The following UPF2 variants were observed in gnomAD, a reference collection of about 807,000 sequenced individuals.
UPF2 encodes UPF2 regulator of nonsense mediated mRNA decay, also known as regulator of nonsense transcripts 2.
In UPF2, 17 loss-of-function variants were observed where a neutral mutation model predicts 141.4. That is an observed-to-expected ratio of 0.12 (90% CI 0.08 to 0.18). The LOEUF is 0.18. Among genes scored for constraint, UPF2 ranks in the 10% least tolerant of loss-of-function variants. UPF2 has a pLI of 1.00. For synonymous variants in UPF2, 540 were observed against 498.0 expected (o/e 1.08, Z -1.12); for missense variants, 1,152 against 1,515.9 (o/e 0.76, Z 3.99).
At chr10:12,005,392 A>G (rs1834018606) in intron 4 of UPF2, among the ~76,000 whole-genome samples, 1 of 152,166 alleles carries the variant, frequency 6.6e-6, no homozygotes, top group African/African-American at 2.4e-5. Flanking sequence ...TAGAAGTTTG[A>G]GATTGTTTAT....
chr10:11,997,324 T>C (rs1213003156), intron 8 of UPF2, among the ~76,000 whole-genome samples: 4 of 152,270 alleles, frequency 2.6e-5, no homozygotes, highest in South Asian at 4.1e-4. Flanking sequence ...ACCCTCATCT[T>C]TGCACAAAAT....
At chr10:12,038,520 T>A (rs192416616) in intron 1 of UPF2, among the ~76,000 whole-genome samples, 1 of 149,918 alleles carries the variant, frequency 6.7e-6, no homozygotes, top group Non-Finnish European at 1.5e-5. Context: ...CTTGAGGTCA[T>A]GAGTTCAAGA....
At position 12,028,953 on chromosome 10, in the gene UPF2, G is replaced by A; in HGVS notation, c.937C>T (p.Arg313Ter). 6.2e-7 allele frequency: 1 copy of A among 1,614,050 alleles called. No homozygotes were observed. The highest frequency in any genetic ancestry group is 8.5e-7 in the Non-Finnish European group (1 of 1,180,004). ...CCAGCAATATCATCTCCACAATGTC[G>A]ACAGAAACTAATCACTACAGAGACA... ...THVSVVISFCRHCGDDIAGLV... is the reference protein window; with the variant it reads ...THVSVVISFC Residue 313 changes from arginine (R) to a stop codon, truncating the protein, a stop_gained, in exon 3 of 22, where the codon CGA (arginine) becomes TGA (stop). Transcript: ENST00000357604. LOFTEE classifies it high-confidence loss of function.
chr10:11,929,830 A>T (rs751260344), intron 21 of UPF2, 35 bp downstream of exon 21: 10 of 1,604,324 alleles, frequency 6.2e-6, no homozygotes, highest in Non-Finnish European at 8.5e-6. Flanking sequence ...CATCATGGAA[A>T]CAAACAGCTA....
At chr10:11,945,842 CATAAG>C (rs755720210) in intron 16 of UPF2, among the ~76,000 whole-genome samples, 2 of 152,058 alleles carry the variant, frequency 1.3e-5, no homozygotes, top group African/African-American at 2.4e-5. Flanking sequence ...CCAAGACAAC[CATAAG>C]ATTAGTCTGA....
intron 3 of UPF2, among the ~76,000 whole-genome samples, chr10:12,028,203 A>G (rs1445157883): frequency 6.6e-6 from 1 of 152,226 alleles, no homozygotes; most frequent in Non-Finnish European, 1.5e-5. Flanking sequence ...GCCCCCAGGA[A>G]GAAGACTCCT....
Position 12,042,083 on chromosome 10 carries a change from G to C in UPF2, c.-19+672C>G, listed in dbSNP as rs117917056. On this transcript the variant is annotated intron_variant, in intron 1 of 21. Transcript: ENST00000357604. This position sits in a 1 kb window ranked among gnomAD's most constrained non-coding sequence, Gnocchi z 5.5. ...ATCAACCAGCCTATGTGATTAAAAG[G>C]AAGTCAACCAAACAGCCCATGCCCA... Among the ~76,000 whole-genome samples the C allele has an allele frequency of 7.2e-3, 1,095 of 152,114 alleles. 1 individual carries two copies. Among genetic ancestry groups the C allele is most frequent in the East Asian group, 0.028 (143 of 5,172 alleles).
chr10:11,968,243 A>G (rs111592822), intron 9 of UPF2, among the ~76,000 whole-genome samples: 334 of 152,292 alleles, frequency 2.2e-3, no homozygotes, highest in African/African-American at 7.7e-3. Flanking sequence ...ATTGCTCTGT[A>G]TAACACCAGT....
At chr10:11,938,865 T>TTTTTTTTTG (rs1564337847) in intron 18 of UPF2, among the ~76,000 whole-genome samples, 2 of 87,402 alleles carry the variant, frequency 2.3e-5, no homozygotes, top group East Asian at 6.2e-4. Context: ...TTTTTTTTTT[T>TTTTTTTTTG]TTTTTTTTTT....
intron 9 of UPF2, among the ~76,000 whole-genome samples, 166 bp downstream of exon 9, chr10:11,978,891 C>T (rs566511443): frequency 6.6e-6 from 1 of 152,302 alleles, no homozygotes; most frequent in African/African-American, 2.4e-5. Flanking sequence ...CAATTTCAAG[C>T]TTCGTTAAGT....
chr10:12,013,700 T>C (rs892862765), intron 4 of UPF2, among the ~76,000 whole-genome samples: 27 of 152,330 alleles, frequency 1.8e-4, no homozygotes, highest in African/African-American at 6.0e-4. Context: ...GACTCTTCCA[T>C]TCAGGGATCA....
chr10:12,009,902 A>G (rs939460310), intron 4 of UPF2, among the ~76,000 whole-genome samples: 4 of 152,192 alleles, frequency 2.6e-5, no homozygotes, highest in African/African-American at 9.7e-5. Flanking sequence ...ATCAGCCTCT[A>G]TGTGTGAGGA....
At chr10:12,035,520 C>A in intron 1 of UPF2, 79 bp from the exon 2 acceptor site, 1 of 1,385,182 alleles carries the variant, frequency 7.2e-7, no homozygotes, top group Non-Finnish European at 9.4e-7. Flanking sequence ...TTAAACAGAA[C>A]ATATTAATGC....
rs1834287776 is a variant in UPF2 at position 12,019,890 on chromosome 10, A to C, written c.1146-5706T>G. On this transcript the variant is annotated intron_variant, in intron 3 of 21. Coordinates refer to ENST00000357604, the MANE Select transcript of UPF2 (RefSeq NM_015542.4). This position sits in a 1 kb window ranked among gnomAD's most constrained non-coding sequence, Gnocchi z 4.5. ...CAGGAGCCTGCCACCACACCCGGCTAATTTTTGTATTTTTAGTAGAGACGG... is the reference window on the plus strand; with the variant it reads ...CAGGAGCCTGCCACCACACCCGGCTCATTTTTGTATTTTTAGTAGAGACGG... Among the ~76,000 whole-genome samples the C allele has an allele frequency of 6.6e-6, 1 of 151,936 alleles. No homozygotes were observed. Among genetic ancestry groups the C allele is most frequent in the Admixed American group, 6.6e-5 (1 of 15,242 alleles).
chr10:11,982,409 C>T (rs988719776), intron 8 of UPF2, among the ~76,000 whole-genome samples: 2 of 152,140 alleles, frequency 1.3e-5, no homozygotes, highest in Admixed American at 1.3e-4. Flanking sequence ...TCCCATACCT[C>T]CCAGCTTGCC....
rs1255489379 is a variant in UPF2, at chr10:11,992,329, T to C, written c.1844+5343A>G. ...AATAATGCTGAAAGTTAAATATCAC[T>C]CAAATACAAGAATAAGTACATTTAA... On this transcript the variant is annotated intron_variant, in intron 8 of 21. Coordinates refer to ENST00000357604, the MANE Select transcript of UPF2 (RefSeq NM_015542.4). The surrounding 1 kb of genome is among the most constrained non-coding windows in gnomAD (Gnocchi z 4.1). Among the ~76,000 whole-genome samples the C allele has an allele frequency of 6.6e-6, 1 of 152,012 alleles. No homozygotes were observed. The highest frequency in any genetic ancestry group is 1.9e-4 in the East Asian group (1 of 5,198).
At chr10:12,038,407 C>CAA (rs1466523102) in intron 1 of UPF2, among the ~76,000 whole-genome samples, 1 of 150,110 alleles carries the variant, frequency 6.7e-6, no homozygotes, top group East Asian at 2.0e-4. Flanking sequence ...CACACACACA[C>CAA]ACACACACAC....
At chr10:11,928,946 C>T (rs536962758) in intron 21 of UPF2, among the ~76,000 whole-genome samples, 24 of 152,268 alleles carry the variant, frequency 1.6e-4, no homozygotes, top group African/African-American at 5.3e-4. Flanking sequence ...GTGAGGAGTT[C>T]GAGACCAGCC....
intron 19 of UPF2, among the ~76,000 whole-genome samples, chr10:11,934,177 A>G (rs1382197456): frequency 2.0e-5 from 3 of 152,262 alleles, no homozygotes; most frequent in Non-Finnish European, 4.4e-5. Context: ...AGTCTGGTTC[A>G]GAGAATTAAA....
Sources: gnomAD v4.1 joint callset for allele counts (sites outside exome capture counted in the v4.1 genomes callset) on GRCh38, gnomAD v4.1.1 for gene constraint, Gnocchi (gnomAD v3.1) non-coding constraint, MANE v1.5 for transcripts, NCBI Gene and HGNC (gene_info 2026-07-23, HGNC 2026-07-21) for gene names.